Variants in TECRL observed in about 807,000 individuals in gnomAD.
The protein encoded by TECRL is trans-2,3-enoyl-CoA reductase-like.
TECRL carries 63 observed loss-of-function variants against 52.8 expected under a neutral mutation model. The observed-to-expected ratio is 1.19, with a 90% CI of 0.97 to 1.47. TECRL has a LOEUF of 1.47. Ranked by LOEUF, TECRL falls within the 40% of genes most tolerant of loss-of-function variation. The pLI, the probability that TECRL is intolerant of heterozygous loss-of-function variation, is 0.00. For synonymous variants in TECRL, 164 were observed against 141.9 expected (o/e 1.16, Z -1.10); for missense variants, 482 against 429.6 (o/e 1.12, Z -1.08).
intron 4 of TECRL, 42 bp from the exon 5 acceptor site, chr4:64,314,805 TG>T (rs1560492675): frequency 7.1e-7 from 1 of 1,417,126 alleles, no homozygotes; most frequent in Non-Finnish European, 1.0e-6. Context: ...TAAAAATAGA[TG>T]TTTTTAAGGT....
At chr4:64,304,408 C>A (rs1724207114) in intron 7 of TECRL, among the ~76,000 whole-genome samples, 1 of 151,634 alleles carries the variant, frequency 6.6e-6, no homozygotes, top group Non-Finnish European at 1.5e-5. Context: ...CAACTTCAGC[C>A]AAGAAATAAA....
intron 4 of TECRL, among the ~76,000 whole-genome samples, chr4:64,317,183 C>T (rs980209920): frequency 1.3e-5 from 2 of 151,874 alleles, no homozygotes; most frequent in Non-Finnish European, 2.9e-5. Flanking sequence ...GAGGCTGAGG[C>T]AGAAGAATGG....
chr4:64,300,523 C>A (rs1203026518), intron 7 of TECRL, among the ~76,000 whole-genome samples: 1 of 150,252 alleles, frequency 6.7e-6, no homozygotes, highest in Non-Finnish European at 1.5e-5. Flanking sequence ...AGGTTAAGTT[C>A]CAAAGGGCAG....
downstream of TECRL, chr4:64,276,477 A>G (rs1722581337): frequency 6.6e-6 from 1 of 151,816 alleles, no homozygotes; most frequent in African/African-American, 2.4e-5. Flanking sequence ...TTTTTCATTA[A>G]TGTTTTTCCT....
Position 64,331,476 on chromosome 4 carries a change from T to G in TECRL, c.287-2920A>C, listed in dbSNP as rs145879894. On this transcript the variant is annotated intron_variant, in intron 2 of 11. Transcript: ENST00000381210. ...GTAGGTAAACTTACAATTTAAGTTT[T>G]AAAAATCATATAAAAACTAATCCAC... Among the ~76,000 whole-genome samples, 553 of 152,132 alleles carry G rather than the reference T, an allele frequency of 3.6e-3. 4 individuals are homozygous for G. Among genetic ancestry groups the G allele is most frequent in the South Asian group, 0.013 (63 of 4,826 alleles).
At chr4:64,339,339 G>A (rs1397028483) in intron 2 of TECRL, among the ~76,000 whole-genome samples, 8 of 150,566 alleles carry the variant, frequency 5.3e-5, no homozygotes, top group Non-Finnish European at 8.9e-5. Context: ...TGTGAATGAC[G>A]TAAATGATGA....
In TECRL at chr4:64,303,162, T is replaced by A. The variant is rs931499505; in HGVS notation, c.730+2004A>T. Among the ~76,000 whole-genome samples the A allele has an allele frequency of 2.6e-5, 4 of 151,602 alleles. No homozygotes were observed. In the South Asian group the frequency reaches 8.3e-4, roughly 31 times the overall value. ...AGTTTTGAAATGGGAAAATATTCTA[T>A]TAAAGACTTAGAAAGTGATAAGAAA... On this transcript the variant is annotated intron_variant, in intron 7 of 11. Coordinates refer to ENST00000381210, the MANE Select transcript of TECRL (RefSeq NM_001010874.5).
chr4:64,304,284 T>C (rs1186764732), intron 7 of TECRL, among the ~76,000 whole-genome samples: 1 of 151,872 alleles, frequency 6.6e-6, no homozygotes, highest in Admixed American at 6.6e-5. Context: ...CATAGTTAAT[T>C]GTTAGTATTA....
chr4:64,287,089 T>C (rs948813182), intron 9 of TECRL, among the ~76,000 whole-genome samples: 3 of 152,132 alleles, frequency 2.0e-5, no homozygotes, highest in African/African-American at 7.2e-5. Flanking sequence ...CTTAATGAAA[T>C]ATAGGCTTCA....
chr4:64,293,319 C>G (rs191653818), intron 8 of TECRL, among the ~76,000 whole-genome samples: 79 of 152,112 alleles, frequency 5.2e-4, no homozygotes, highest in Admixed American at 1.8e-3. Context: ...ATCAGTACTT[C>G]CAAATATTTA....
At chr4:64,314,210 A>G (rs1409052999) in intron 5 of TECRL, among the ~76,000 whole-genome samples, 2 of 151,836 alleles carry the variant, frequency 1.3e-5, no homozygotes, top group African/African-American at 4.8e-5. Context: ...GTAACTTGTA[A>G]ACTTTTTTCT....
rs551836403 is a variant in TECRL at position 64,280,968 on chromosome 4, A to T, written c.964+73T>A. The T allele has an allele frequency of 2.2e-5, 25 of 1,118,866 alleles. No homozygotes were observed. The East Asian group carries it at 4.6e-4, about 21-fold the overall frequency. The allele number at this position is 1,118,866 out of a possible 1,614,324, so 69.3% of individuals were successfully genotyped here. A position where few individuals can be genotyped will look rare whatever the true frequency, so the allele number is the denominator to read the frequency against. On this transcript the variant is annotated intron_variant, in intron 11 of 11. Transcript: ENST00000381210. ...TCATGCTATACTTTAGTACTATAAT[A>T]ACTTTTTCTCAGAAACCATTTATCT... is the stretch of plus-strand genomic sequence containing the variant.
At chr4:64,352,842 T>TA (rs541685892) in intron 2 of TECRL, among the ~76,000 whole-genome samples, 1 of 152,188 alleles carries the variant, frequency 6.6e-6, no homozygotes, top group Non-Finnish European at 1.5e-5. Flanking sequence ...AATATATCTC[T>TA]AAAAAAAGTA....
intron 5 of TECRL, 75 bp from the exon 6 acceptor site, chr4:64,310,006 A>AT (rs1356390611): frequency 7.9e-6 from 7 of 886,082 alleles, no homozygotes; most frequent in Non-Finnish European, 8.7e-6. Context: ...ATACATTTTA[A>AT]TTTTTTTAGT....
intron 1 of TECRL, among the ~76,000 whole-genome samples, chr4:64,398,574 G>T (rs186015290): frequency 6.6e-6 from 1 of 152,108 alleles, no homozygotes; most frequent in African/African-American, 2.4e-5. Context: ...ATAAGCAGGT[G>T]CCATGCCACT....
chr4:64,297,503 T>C (rs2109967032), intron 8 of TECRL, among the ~76,000 whole-genome samples: 1 of 151,122 alleles, frequency 6.6e-6, no homozygotes, highest in Middle Eastern at 5.2e-3. Context: ...TTATATAAGA[T>C]CGATCCATTA....
chr4:64,297,709 T>C (rs931605306), intron 8 of TECRL, among the ~76,000 whole-genome samples: 7 of 151,250 alleles, frequency 4.6e-5, no homozygotes, highest in Non-Finnish European at 4.5e-5. Context: ...TCAGTTATTA[T>C]AAATTGAAGA....
chr4:64,309,947 A>T lies in TECRL; in HGVS notation c.552-16T>A. On this transcript the variant is annotated splice_polypyrimidine_tract_variant and intron_variant, in intron 5 of 11. Coordinates refer to ENST00000381210, the MANE Select transcript of TECRL (RefSeq NM_001010874.5). ...GCAAGCCAAGCTGGAAAAAAAAATA[A>T]AACATAAACATGAAAATCCTTTTGA... 1 of 1,506,290 alleles carries T rather than the reference A, an allele frequency of 6.6e-7. No individual in the cohort carries two copies. The highest frequency in any genetic ancestry group is 9.1e-7 in the Non-Finnish European group (1 of 1,099,346). The allele number at this position is 1,506,290 out of a possible 1,614,324, so 93.3% of individuals were successfully genotyped here.
intron 2 of TECRL, among the ~76,000 whole-genome samples, chr4:64,345,926 A>AAAAAAAAAAAAAAAC (rs1560516735): frequency 6.8e-6 from 1 of 146,324 alleles, no homozygotes; most frequent in East Asian, 2.0e-4. Flanking sequence ...AAAAAAAAAA[A>AAAAAAAAAAAAAAAC]AAAAACATTT....
Sources: allele counts gnomAD v4.1 joint callset (sites outside exome capture counted in the v4.1 genomes callset), GRCh38; gene constraint gnomAD v4.1.1; transcripts MANE v1.5; gene names NCBI Gene and HGNC (gene_info 2026-07-23, HGNC 2026-07-21).